Variants in PPFIA2 observed in about 807,000 individuals in gnomAD.
PPFIA2 encodes PPFI scaffold protein A2, also known as liprin-alpha-2.
Under a neutral mutation model 175.5 loss-of-function variants are expected in PPFIA2, and 46 were observed. The ratio of observed to expected loss-of-function variants is 0.26; its 90% CI spans 0.21 to 0.34. The LOEUF (loss-of-function observed/expected upper bound fraction) is 0.34, where lower values mean the gene tolerates loss of function less well. PPFIA2 is among the 10% of genes least tolerant of loss of function. The pLI is 1.00. For missense variants in PPFIA2, 1,179 were observed against 1,506.1 expected (o/e 0.78, Z 3.60); for synonymous variants, 568 against 511.4 (o/e 1.11, Z -1.49).
chr12:81,536,705 G>T, intron 4 of PPFIA2, among the ~76,000 whole-genome samples: 1 of 138,916 alleles, frequency 7.2e-6, no homozygotes, highest in Non-Finnish European at 1.5e-5. Flanking sequence ...TATATATATA[G>T]CATGTAATAT....
At chr12:81,497,265 C>T (rs1412721508) in intron 4 of PPFIA2, among the ~76,000 whole-genome samples, 1 of 152,122 alleles carries the variant, frequency 6.6e-6, no homozygotes, top group East Asian at 1.9e-4. Flanking sequence ...ACCAAGCCCA[C>T]ATTTTCAGAT....
chr12:81,405,835 C>T lies in PPFIA2; in HGVS notation c.714G>A (p.Glu238=). ...GTTCCATCCCTTCAAGATGTTCTGA[C>T]TCTGTGGATCCCTCGCTTGATGCCA... is the stretch of plus-strand genomic sequence containing the variant. ...RKMASSEGST[E]SEHLEGMEPG... The change falls in exon 8 of 33, where the codon GAG becomes GAA. Residue 238 remains glutamate (E), a synonymous_variant. Coordinates refer to ENST00000549396, the MANE Select transcript of PPFIA2 (RefSeq NM_003625.5). 6.3e-7 allele frequency: 1 copy of T among 1,582,478 alleles called. No homozygotes were observed. Among genetic ancestry groups the T allele is most frequent in the Admixed American group, 1.8e-5 (1 of 55,704 alleles).
chr12:81,613,282 T>G (rs1373229127), intron 4 of PPFIA2, among the ~76,000 whole-genome samples: 1 of 152,138 alleles, frequency 6.6e-6, no homozygotes, highest in African/African-American at 2.4e-5. Context: ...TTTAAAACCA[T>G]GACTTTTATA....
chr12:81,555,920 G>T (rs1009542676), intron 4 of PPFIA2, among the ~76,000 whole-genome samples: 1 of 151,770 alleles, frequency 6.6e-6, no homozygotes, highest in Non-Finnish European at 1.5e-5. Flanking sequence ...GAACCTTGTC[G>T]CCCATCAGGA....
intron 3 of PPFIA2, among the ~76,000 whole-genome samples, chr12:81,740,226 T>A (rs2082162246): frequency 1.3e-5 from 2 of 152,188 alleles, no homozygotes; most frequent in Admixed American, 1.3e-4. Flanking sequence ...GAGTATTTTT[T>A]AAATTATCAG....
intron 4 of PPFIA2, among the ~76,000 whole-genome samples, chr12:81,566,530 C>CCAACA (rs2071326846): frequency 1.5e-5 from 1 of 68,456 alleles, no homozygotes; most frequent in East Asian, 4.2e-4. Context: ...GACTCCAACT[C>CCAACA]AAAAAAAAAA....
At chr12:81,507,964 G>A (rs1272700016) in intron 4 of PPFIA2, among the ~76,000 whole-genome samples, 1 of 151,890 alleles carries the variant, frequency 6.6e-6, no homozygotes, top group Non-Finnish European at 1.5e-5. Flanking sequence ...TGTGCTATTT[G>A]TTTTCTTAGT....
rs936965607 is a variant in PPFIA2, at chr12:81,605,648, C to CAGCT, written c.303+71139_303+71142dup. Among the ~76,000 whole-genome samples the CAGCT allele has an allele frequency of 1.2e-3, 162 of 138,846 alleles. 1 individual carries two copies. Among genetic ancestry groups the CAGCT allele is most frequent in the Admixed American group, 3.2e-3 (43 of 13,556 alleles). The allele number at this position is 138,846 out of a possible 152,430, so 91.1% of individuals were successfully genotyped here. On this transcript the variant is annotated intron_variant, in intron 4 of 32. Coordinates refer to ENST00000549396, the MANE Select transcript of PPFIA2 (RefSeq NM_003625.5). ...CTGTCTGTCTATCCATCCATCCATC[C>CAGCT]AGCTATCTATCTATCTATCTATCTA...
At chr12:81,624,271 T>G (rs999216953) in intron 4 of PPFIA2, among the ~76,000 whole-genome samples, 2 of 151,426 alleles carry the variant, frequency 1.3e-5, no homozygotes, top group African/African-American at 4.8e-5. Flanking sequence ...ATTCATACAG[T>G]TAATCTCTAT....
At chr12:81,670,695 C>T (rs2071235526) in intron 4 of PPFIA2, among the ~76,000 whole-genome samples, 2 of 151,858 alleles carry the variant, frequency 1.3e-5, no homozygotes, top group South Asian at 4.1e-4. Context: ...CTTGATTTTA[C>T]CTAAATTACT....
chr12:81,399,718 T>G (rs2041811870), intron 8 of PPFIA2, among the ~76,000 whole-genome samples: 1 of 152,108 alleles, frequency 6.6e-6, no homozygotes, highest in Non-Finnish European at 1.5e-5. Context: ...GGCAAATTCA[T>G]AAACTCCATT....
chr12:81,294,699 T>G, intron 24 of PPFIA2, 136 bp downstream of exon 24: 1 of 823,930 alleles, frequency 1.2e-6, no homozygotes, highest in African/African-American at 1.7e-5. Flanking sequence ...GCAAGGTTAA[T>G]AAAGAGCAAG....
In PPFIA2 at chr12:81,263,409, GGT is replaced by G; in HGVS notation, c.3556-21_3556-20del. 1 of 1,604,898 alleles carries G rather than the reference GGT, an allele frequency of 6.2e-7. No homozygotes were observed. Among genetic ancestry groups the G allele is most frequent in the Non-Finnish European group, 8.5e-7 (1 of 1,172,746 alleles). ...CATCACTCTGCCAGTACAGTTATAA[GGT>G]GATGTTATGAAAACAAGTAAACTAG... On this transcript the variant is annotated intron_variant, in intron 30 of 32. Transcript: ENST00000549396.
intron 4 of PPFIA2, among the ~76,000 whole-genome samples, chr12:81,555,423 T>A (rs1451946529): frequency 6.6e-6 from 1 of 151,978 alleles, no homozygotes; most frequent in Non-Finnish European, 1.5e-5. Flanking sequence ...AATGACATTT[T>A]ATTGATATAA....
rs1245541042 is a variant in PPFIA2 at position 81,277,309 on chromosome 12, T to C, written c.3310+8A>G. On this transcript the variant is annotated splice_region_variant and intron_variant, in intron 28 of 32. Coordinates refer to ENST00000549396, the MANE Select transcript of PPFIA2 (RefSeq NM_003625.5). ...AAAGGCATTTCATATGAAAGAAAGA[T>C]ATATTACCTTTTATTTCATGTTGGC... 6.5e-7 allele frequency: 1 copy of C among 1,538,160 alleles called. No homozygotes were observed. The highest frequency in any genetic ancestry group is 8.7e-7 in the Non-Finnish European group (1 of 1,143,356).
At chr12:81,733,924 T>C (rs1354443824) in intron 3 of PPFIA2, among the ~76,000 whole-genome samples, 1 of 151,758 alleles carries the variant, frequency 6.6e-6, no homozygotes, top group Non-Finnish European at 1.5e-5. Context: ...CAGGATAACC[T>C]ACATGTCTAT....
chr12:81,450,594 G>A (rs2052360935), intron 5 of PPFIA2, among the ~76,000 whole-genome samples: 1 of 152,108 alleles, frequency 6.6e-6, no homozygotes, highest in African/African-American at 2.4e-5. Context: ...TAGCTTGCCT[G>A]TTCACTCTGA....
chr12:81,589,997 T>G (rs1330946079), intron 4 of PPFIA2, among the ~76,000 whole-genome samples: 1 of 152,134 alleles, frequency 6.6e-6, no homozygotes, highest in African/African-American at 2.4e-5. Flanking sequence ...CATACTTTAT[T>G]TTTAGCCATT....
intron 3 of PPFIA2, among the ~76,000 whole-genome samples, chr12:81,732,525 A>C (rs1024928176): frequency 6.6e-6 from 1 of 150,770 alleles, no homozygotes; most frequent in Non-Finnish European, 1.5e-5. Flanking sequence ...AAAAAAAAAA[A>C]AAAACACTCA....
Sources: allele counts gnomAD v4.1 joint callset (sites outside exome capture counted in the v4.1 genomes callset), GRCh38; gene constraint gnomAD v4.1.1; transcripts MANE v1.5; gene names NCBI Gene and HGNC (gene_info 2026-07-23, HGNC 2026-07-21).